CAMTA1: variants seen among roughly 807,000 people sequenced by gnomAD.
CAMTA1 encodes the protein calmodulin-binding transcription activator 1.
CAMTA1 carries 27 observed loss-of-function variants against 170.9 expected under a neutral mutation model. The observed-to-expected ratio is 0.16, with a 90% CI of 0.12 to 0.22. The LOEUF is 0.22. Ranked by LOEUF, CAMTA1 falls within the 10% of genes least tolerant of loss-of-function variation. CAMTA1 has a pLI of 1.00. For missense variants in CAMTA1, 1,619 were observed against 2,217.2 expected, an observed-to-expected ratio of 0.73 and a Z score of 5.42; for synonymous variants, 833 against 891.5, an observed-to-expected ratio of 0.93 and a Z score of 1.17.
intron 4 of CAMTA1, among the ~76,000 whole-genome samples, chr1:7,165,870 G>A (rs1328957962): frequency 1.3e-5 from 2 of 152,158 alleles, no homozygotes; most frequent in Non-Finnish European, 2.9e-5. Flanking sequence ...GTTCTTAAGT[G>A]TTAGATCCTT....
chr1:7,484,233 C>T (rs906427504), intron 6 of CAMTA1, among the ~76,000 whole-genome samples: 1 of 152,124 alleles, frequency 6.6e-6, no homozygotes, highest in Non-Finnish European at 1.5e-5. Context: ...CGCCTTCCCT[C>T]GGGGGGCTCA....
intron 5 of CAMTA1, among the ~76,000 whole-genome samples, chr1:7,427,680 T>C (rs972190734): frequency 5.3e-5 from 8 of 152,302 alleles, no homozygotes; most frequent in Admixed American, 1.3e-4. Context: ...TTTTTAGCAA[T>C]GGGAAATTAA....
chr1:7,759,048 C>T (rs2150258219), intron 22 of CAMTA1, among the ~76,000 whole-genome samples: 1 of 151,692 alleles, frequency 6.6e-6, no homozygotes, highest in South Asian at 2.1e-4. Context: ...CTACTGGAGG[C>T]TGAGGTGGGA....
At chr1:7,469,706 C>T (rs575685732) in intron 6 of CAMTA1, among the ~76,000 whole-genome samples, 9 of 152,276 alleles carry the variant, frequency 5.9e-5, no homozygotes, top group Admixed American at 3.3e-4. Context: ...CCCACGCCTC[C>T]GCCTGCCTCC....
At chr1:6,931,246 T>C (rs900959378) in intron 3 of CAMTA1, among the ~76,000 whole-genome samples, 1 of 152,214 alleles carries the variant, frequency 6.6e-6, no homozygotes, top group African/African-American at 2.4e-5. Context: ...TTTAGCATTC[T>C]AGCTTATTTG....
At position 7,263,014 on chromosome 1, in the gene CAMTA1, T is replaced by C. The variant is rs558228092; in HGVS notation, c.438+13388T>C. Among the ~76,000 whole-genome samples, 4 of 152,164 alleles carry C rather than the reference T, an allele frequency of 2.6e-5. No homozygotes were observed. In the East Asian group the frequency reaches 7.7e-4, roughly 29 times the overall value. On this transcript the variant is annotated intron_variant, in intron 5 of 22. Coordinates refer to ENST00000303635, the MANE Select transcript of CAMTA1 (RefSeq NM_015215.4). ...GTAAACCTTATTGAAGTAGCTCCCC[T>C]CCCAGATTAATGAATACTTTCAGAC...
rs1055262833 is a variant in CAMTA1, at chr1:7,768,641, G to A, written c.*2150G>A. On this transcript the variant is annotated 3_prime_UTR_variant, in exon 23 of 23. Transcript: ENST00000303635. Reference sequence around the variant, plus strand: ...CTTTCACTGCCAACCTCGAATTACTGTACAGTATATGTCTTTCTGCTTGTG... The same window carrying A: ...CTTTCACTGCCAACCTCGAATTACTATACAGTATATGTCTTTCTGCTTGTG... 2.0e-4 allele frequency: 31 copies of A among 152,604 alleles called. No homozygotes were observed. The highest frequency in any genetic ancestry group is 6.8e-4 in the African/African-American group (28 of 41,374). 9.5% of individuals were successfully genotyped at this position (152,604 alleles called of 1,614,324 possible).
At chr1:7,677,807 G>T in intron 11 of CAMTA1, 74 bp downstream of exon 11, 4 of 1,525,140 alleles carry the variant, frequency 2.6e-6, no homozygotes, top group South Asian at 2.5e-5. Context: ...CACAAGGTGT[G>T]AAAGAAGAGT....
chr1:7,127,648 T>C (rs939830046), intron 4 of CAMTA1, among the ~76,000 whole-genome samples: 83 of 152,326 alleles, frequency 5.4e-4, no homozygotes, highest in African/African-American at 1.9e-3. Flanking sequence ...GCAGGCACGA[T>C]GCTTGTCCAT....
intron 11 of CAMTA1, among the ~76,000 whole-genome samples, chr1:7,690,168 TAAG>T (rs1437682013): frequency 6.6e-6 from 1 of 152,134 alleles, no homozygotes; most frequent in Non-Finnish European, 1.5e-5. Context: ...CATCTCAAAA[TAAG>T]AAGAAAGAGC....
chr1:7,052,210 C>CT (rs1230514064), intron 3 of CAMTA1, among the ~76,000 whole-genome samples: 2 of 152,162 alleles, frequency 1.3e-5, no homozygotes, highest in Non-Finnish European at 2.9e-5. Flanking sequence ...TGGGGCCATT[C>CT]TTTTTTGCTC....
chr1:7,532,457 A>G lies in CAMTA1; in HGVS notation c.510+64556A>G, dbSNP rs1386724146. 1.3e-5 allele frequency among the ~76,000 whole-genome samples: 2 copies of G among 151,980 alleles called. No homozygotes were observed. Among genetic ancestry groups the G allele is most frequent in the Non-Finnish European group, 2.9e-5 (2 of 68,008 alleles). On this transcript the variant is annotated intron_variant, in intron 6 of 22. Transcript: ENST00000303635. The surrounding 1 kb of genome is among the most constrained non-coding windows in gnomAD (Gnocchi z 4.2). Reference sequence around the variant, plus strand: ...ACTACAGGCACACACCCCTGTGCCCAGCTAATTTTTATTTTATGTTTGTTT... The same window carrying G: ...ACTACAGGCACACACCCCTGTGCCCGGCTAATTTTTATTTTATGTTTGTTT...
intron 1 of CAMTA1, among the ~76,000 whole-genome samples, chr1:6,805,788 A>C (rs1439280322): frequency 1.3e-5 from 2 of 152,188 alleles, no homozygotes; most frequent in Non-Finnish European, 2.9e-5. Context: ...TGGGATTACA[A>C]GTATGAGCTG....
At position 7,748,897 on chromosome 1, in the gene CAMTA1, G is replaced by A. The variant is rs923779150; in HGVS notation, c.4689+1116G>A. ...AAAGGGAAGTCATATTTTTGGGGCA[G>A]CTAGTATGCACTAGATTTTTTAGGT... On this transcript the variant is annotated intron_variant, in intron 19 of 22. Coordinates refer to ENST00000303635, the MANE Select transcript of CAMTA1 (RefSeq NM_015215.4). This position sits in a 1 kb window ranked among gnomAD's most constrained non-coding sequence, Gnocchi z 4.7. Among the ~76,000 whole-genome samples the A allele has an allele frequency of 2.0e-5, 3 of 152,276 alleles. No homozygotes were observed. The highest frequency in any genetic ancestry group is 1.3e-4 in the Admixed American group (2 of 15,304).
rs183725568 is a variant in CAMTA1 at position 7,416,688 on chromosome 1, C to A, written c.439-51142C>A. Among the ~76,000 whole-genome samples, 1,281 of 152,242 alleles carry A rather than the reference C, an allele frequency of 8.4e-3. 10 individuals carry two copies. Among genetic ancestry groups the A allele is most frequent in the Middle Eastern group, 0.024 (7 of 294 alleles). On this transcript the variant is annotated intron_variant, in intron 5 of 22. Transcript: ENST00000303635. ...AATTTTTTTTCAAAGTTTTTAACTT[C>A]TTTGCCATTGGTTTGAATTTCCTCC...
chr1:7,102,449 C>T (rs1642855918), intron 4 of CAMTA1, among the ~76,000 whole-genome samples: 1 of 152,090 alleles, frequency 6.6e-6, no homozygotes, highest in South Asian at 2.1e-4. Context: ...TTTATTTTGG[C>T]CTTTACCTGC....
chr1:6,993,290 TG>T (rs1021163640), intron 3 of CAMTA1, among the ~76,000 whole-genome samples: 5 of 152,256 alleles, frequency 3.3e-5, no homozygotes, highest in South Asian at 4.1e-4. Flanking sequence ...ATAGATTATT[TG>T]GAGAGAACTG....
At chr1:7,054,978 G>A (rs547798446) in intron 3 of CAMTA1, among the ~76,000 whole-genome samples, 4 of 152,110 alleles carry the variant, frequency 2.6e-5, no homozygotes, top group Non-Finnish European at 5.9e-5. Context: ...CGTGGCTGGG[G>A]CAGGAGCAAG....
rs1390539447 is a variant in CAMTA1, at chr1:7,532,617, G to C, written c.510+64716G>C. On this transcript the variant is annotated intron_variant, in intron 6 of 22. Transcript: ENST00000303635. This position sits in a 1 kb window ranked among gnomAD's most constrained non-coding sequence, Gnocchi z 4.2. ...TAGGCCACAGATATTTACCAGTCAG[G>C]TATTGAAACTTACAAAAAGCATAGG... 6.6e-6 allele frequency among the ~76,000 whole-genome samples: 1 copy of C among 152,148 alleles called. No individual in the cohort carries two copies. The highest frequency in any genetic ancestry group is 1.5e-5 in the Non-Finnish European group (1 of 68,020).
Sources: allele counts gnomAD v4.1 joint callset (sites outside exome capture counted in the v4.1 genomes callset), GRCh38; gene constraint gnomAD v4.1.1; non-coding constraint Gnocchi (gnomAD v3.1); transcripts MANE v1.5; gene names NCBI Gene and HGNC (gene_info 2026-07-23, HGNC 2026-07-21).